The following ITPK1 variants were observed in gnomAD, a reference collection of about 807,000 sequenced individuals.
The protein encoded by ITPK1 is inositol 1,3,4-trisphosphate 5/6-kinase.
ITPK1 carries 21 observed loss-of-function variants against 45.3 expected under a neutral mutation model. The observed-to-expected ratio is 0.46, with a 90% CI of 0.33 to 0.67. ITPK1 has a LOEUF of 0.67. Among genes scored for constraint, ITPK1 ranks in the 30% least tolerant of loss-of-function variants. ITPK1 has a pLI of 0.02. For synonymous variants in ITPK1, 258 were observed against 253.6 expected (o/e 1.02, Z -0.16); for missense variants, 474 against 573.5 (o/e 0.83, Z 1.77).
Position 92,940,426 on chromosome 14 carries a change from T to G in ITPK1, c.*1135A>C. 1 of 1,082,982 alleles carries G rather than the reference T, an allele frequency of 9.2e-7. No homozygotes were observed. Among genetic ancestry groups the G allele is most frequent in the East Asian group, 8.9e-5 (1 of 11,180 alleles). 67.1% of individuals were successfully genotyped at this position (1,082,982 alleles called of 1,614,324 possible). A position where few individuals can be genotyped will look rare whatever the true frequency, so the allele number is the denominator to read the frequency against. On this transcript the variant is annotated 3_prime_UTR_variant, in exon 11 of 11. Transcript: ENST00000267615. ...TTTGCTGCCAAGGTGATGGGGTGAGTCTGAGGTGTGCAGAAGCGATGGGGG... is the reference window on the plus strand; with the variant it reads ...TTTGCTGCCAAGGTGATGGGGTGAGGCTGAGGTGTGCAGAAGCGATGGGGG...
intron 3 of ITPK1, among the ~76,000 whole-genome samples, chr14:93,065,189 TG>T (rs1412800330): frequency 6.6e-6 from 1 of 152,228 alleles, no homozygotes; most frequent in Non-Finnish European, 1.5e-5. Flanking sequence ...GACTCATCCC[TG>T]GTCAGCCCTG....
chr14:93,083,842 T>G (rs1457298270), intron 2 of ITPK1, among the ~76,000 whole-genome samples: 1 of 151,842 alleles, frequency 6.6e-6, no homozygotes, highest in Non-Finnish European at 1.5e-5. Context: ...GCTCCCACCC[T>G]CCTCAGGCCC....
At chr14:93,100,590 C>T (rs530192831) in intron 2 of ITPK1, among the ~76,000 whole-genome samples, 2 of 150,460 alleles carry the variant, frequency 1.3e-5, no homozygotes, top group South Asian at 4.3e-4. Context: ...GACAGACAGA[C>T]CAGGCCCTAT....
intron 3 of ITPK1, among the ~76,000 whole-genome samples, chr14:93,057,155 G>A (rs1427782424): frequency 6.6e-6 from 1 of 152,214 alleles, no homozygotes; most frequent in Admixed American, 6.5e-5. Context: ...CCAGAGCACA[G>A]TGACTCCCCA....
At chr14:92,960,155 C>T (rs186156787) in intron 7 of ITPK1, among the ~76,000 whole-genome samples, 21 of 152,292 alleles carry the variant, frequency 1.4e-4, no homozygotes, top group East Asian at 1.4e-3. Context: ...CACACCTTGC[C>T]GGCAGTGGAC....
chr14:93,049,757 G>T (rs183220363), intron 3 of ITPK1, among the ~76,000 whole-genome samples: 5 of 122,800 alleles, frequency 4.1e-5, no homozygotes, highest in African/African-American at 6.0e-5. Flanking sequence ...GGACGGGGGT[G>T]GGGGGTGGGT....
At chr14:92,974,428 G>A (rs1885827024) in intron 5 of ITPK1, among the ~76,000 whole-genome samples, 1 of 152,322 alleles carries the variant, frequency 6.6e-6, no homozygotes, top group South Asian at 2.1e-4. Flanking sequence ...GAAGCCACCT[G>A]AAAATCTATG....
chr14:93,058,421 T>G (rs1158850720), intron 3 of ITPK1, among the ~76,000 whole-genome samples: 1 of 47,274 alleles, frequency 2.1e-5, no homozygotes, highest in Non-Finnish European at 4.0e-5. Flanking sequence ...GTGGAGGGGG[T>G]GCGGGTCACG....
intron 2 of ITPK1, 55 bp downstream of exon 2, chr14:93,115,014 G>A: frequency 1.9e-6 from 2 of 1,040,554 alleles, no homozygotes; most frequent in South Asian, 1.5e-5. Context: ...TCGGGCCGGG[G>A]GTCACCGGGC....
Position 93,016,794 on chromosome 14 carries a change from A to T in ITPK1, c.128T>A (p.Leu43His), listed in dbSNP as rs1374328827. 1 of 1,614,038 alleles carries T rather than the reference A, an allele frequency of 6.2e-7. No homozygotes were observed. The highest frequency in any genetic ancestry group is 1.1e-5 in the South Asian group (1 of 91,078). ...GCCCTGCTCCTCGATCGGCCGGCTA[A>T]GGTTCAGCTGTGAGGCAGGGAACAC... is the stretch of plus-strand genomic sequence containing the variant. ...KRGMEVVQLN[L>H]SRPIEEQGPL... The change falls in exon 4 of 11, where the codon CTT (leucine) becomes CAT (histidine). Residue 43 changes from leucine to histidine, a missense_variant. Transcript: ENST00000267615. The surrounding 1 kb of genome is among the most constrained non-coding windows in gnomAD (Gnocchi z 5.0).
chr14:93,011,163 CA>C (rs1887882817), intron 4 of ITPK1, among the ~76,000 whole-genome samples: 1 of 152,242 alleles, frequency 6.6e-6, no homozygotes, highest in African/African-American at 2.4e-5. Flanking sequence ...ACAGGGCAGA[CA>C]CTGAGAGCCA....
intron 9 of ITPK1, among the ~76,000 whole-genome samples, chr14:92,949,358 C>T (rs891994331): frequency 6.6e-6 from 1 of 152,226 alleles, no homozygotes; most frequent in African/African-American, 2.4e-5. Context: ...CCTTGGCCTC[C>T]CAAAGTGTTG....
In ITPK1 at chr14:92,946,035, G is replaced by A. The variant is rs564987961; in HGVS notation, c.901+296C>T. Among the ~76,000 whole-genome samples, 10 of 152,310 alleles carry A rather than the reference G, an allele frequency of 6.6e-5. No individual in the cohort carries two copies. In the South Asian group the frequency reaches 2.1e-3, roughly 32 times the overall value. On this transcript the variant is annotated intron_variant, in intron 10 of 10. Coordinates refer to ENST00000267615, the MANE Select transcript of ITPK1 (RefSeq NM_014216.6). ...CTGCTCCTTAAATCGAGGAGGGCCTGGGGGAGGGGCTGATCCACCAATGAC... is the reference window on the plus strand; with the variant it reads ...CTGCTCCTTAAATCGAGGAGGGCCTAGGGGAGGGGCTGATCCACCAATGAC...
chr14:93,044,082 A>T (rs1889676345), intron 3 of ITPK1, among the ~76,000 whole-genome samples: 1 of 143,978 alleles, frequency 6.9e-6, no homozygotes, highest in Non-Finnish European at 1.5e-5. Flanking sequence ...GTACTGAGGA[A>T]TTCAGGTGGG....
rs1227356310 is a variant in ITPK1 at position 92,958,740 on chromosome 14, A to T, written c.505-374T>A. ...ACATCCTAAAGGATCCTCCACAAAG[A>T]CCCGGGAGGAGGAAGGAAGCAGATG... On this transcript the variant is annotated intron_variant, in intron 7 of 10. Transcript: ENST00000267615. The surrounding 1 kb of genome is among the most constrained non-coding windows in gnomAD (Gnocchi z 4.4). 6.6e-6 allele frequency among the ~76,000 whole-genome samples: 1 copy of T among 152,008 alleles called. No homozygotes were observed. The highest frequency in any genetic ancestry group is 1.5e-5 in the Non-Finnish European group (1 of 68,000).
In ITPK1 at chr14:93,012,718, G is replaced by A. The variant is rs1176664117; in HGVS notation, c.246+3958C>T. On this transcript the variant is annotated intron_variant, in intron 4 of 10. Coordinates refer to ENST00000267615, the MANE Select transcript of ITPK1 (RefSeq NM_014216.6). This position sits in a 1 kb window ranked among gnomAD's most constrained non-coding sequence, Gnocchi z 4.9. ...TCCTAGCAGTCTGTGTGCAGACCGG[G>A]AATTCAGGGGACATCTGAGGGACAA... 6.6e-6 allele frequency among the ~76,000 whole-genome samples: 1 copy of A among 152,192 alleles called. No individual in the cohort carries two copies. The highest frequency in any genetic ancestry group is 1.5e-5 in the Non-Finnish European group (1 of 68,014).
chr14:93,110,567 C>A (rs1892710043), intron 2 of ITPK1, among the ~76,000 whole-genome samples: 1 of 152,182 alleles, frequency 6.6e-6, no homozygotes, highest in Non-Finnish European at 1.5e-5. Context: ...CTCTCACTGG[C>A]ACGCCTCCCA....
At chr14:92,977,671 TTC>T (rs1469704008) in intron 5 of ITPK1, among the ~76,000 whole-genome samples, 1 of 151,888 alleles carries the variant, frequency 6.6e-6, no homozygotes, top group Non-Finnish European at 1.5e-5. Context: ...TCATCCTTCT[TTC>T]TCTCTGTCTT....
intron 3 of ITPK1, among the ~76,000 whole-genome samples, chr14:93,053,423 G>A (rs75063258): frequency 0.036 from 5,421 of 152,262 alleles, 333 homozygotes; most frequent in African/African-American, 0.12. Flanking sequence ...GACAGCCAGT[G>A]CTCAAGAGCT....
Sources: allele counts gnomAD v4.1 joint callset (sites outside exome capture counted in the v4.1 genomes callset), GRCh38; gene constraint gnomAD v4.1.1; non-coding constraint Gnocchi (gnomAD v3.1); transcripts MANE v1.5; gene names NCBI Gene and HGNC (gene_info 2026-07-23, HGNC 2026-07-21).